VPS13B: variants seen among roughly 807,000 people sequenced by gnomAD.
The protein encoded by VPS13B is intermembrane lipid transfer protein VPS13B.
Under a neutral mutation model 426.4 loss-of-function variants are expected in VPS13B, and 285 were observed. The observed-to-expected ratio is 0.67, with a 90% CI of 0.61 to 0.74. The LOEUF is 0.74. Ranked by LOEUF, VPS13B falls within the 30% of genes least tolerant of loss-of-function variation. The pLI is 0.00. For missense variants in VPS13B, 4,537 were observed against 4,782.6 expected (o/e 0.95, Z 1.51); for synonymous variants, 1,676 against 1,676.4 (o/e 1.00, Z 0.01).
Position 99,642,109 on chromosome 8 carries a change from A to G in VPS13B, c.5519A>G (p.Lys1840Arg). 3 of 1,614,188 alleles carry G rather than the reference A, an allele frequency of 1.9e-6. No homozygotes were observed. The South Asian group carries it at 3.3e-5, about 18-fold the overall frequency. Residue 1840 changes from lysine (K) to arginine (R), a missense_variant, in exon 34 of 62, where the codon AAG becomes AGG. Physicochemically the swap from Lys to Arg is conservative, Grantham distance 26. This residue lies in a region of VPS13B where 4,311 missense variants were observed against 4,474.3 expected (regional missense o/e 0.96). Transcript: ENST00000357162. ...ALSKSKSQEQ[K>R]NNEKTDKSSL... is the part of the protein sequence containing the mutation. Reference sequence around the variant, plus strand: ...TCCAAATCGAAATCACAAGAACAGAAGAATAATGAAAAAACAGACAAGAGT... The same window carrying G: ...TCCAAATCGAAATCACAAGAACAGAGGAATAATGAAAAAACAGACAAGAGT...
At chr8:99,349,161 G>A (rs1037574899) in intron 19 of VPS13B, among the ~76,000 whole-genome samples, 1 of 148,784 alleles carries the variant, frequency 6.7e-6, no homozygotes, top group Non-Finnish European at 1.5e-5. Flanking sequence ...GTGAAACCCC[G>A]TCTCTACTAA....
intron 3 of VPS13B, among the ~76,000 whole-genome samples, chr8:99,064,694 A>G (rs1056760710): frequency 3.3e-5 from 5 of 152,230 alleles, no homozygotes; most frequent in South Asian, 2.1e-4. Context: ...GCAGGTTATT[A>G]TACAAGAGAA....
At position 99,859,700 on chromosome 8, in the gene VPS13B, C is replaced by T. The variant is rs566584914; in HGVS notation, c.11044+220C>T. ...CTGGTGTGTGAAAATGTTTCAGAAA[C>T]TTCAGAATTTTAAGCCTCCCATTGG... is the stretch of plus-strand genomic sequence containing the variant. On this transcript the variant is annotated intron_variant, in intron 57 of 61. Transcript: ENST00000357162. 4.6e-5 allele frequency among the ~76,000 whole-genome samples: 7 copies of T among 152,178 alleles called. No homozygotes were observed. In the South Asian group the frequency reaches 8.3e-4, roughly 18 times the overall value.
At chr8:99,772,639 A>G (rs1157902368) in intron 40 of VPS13B, among the ~76,000 whole-genome samples, 1 of 152,344 alleles carries the variant, frequency 6.6e-6, no homozygotes, top group Admixed American at 6.5e-5. Flanking sequence ...AAGTTAATAT[A>G]TTATCACAAT....
Position 99,467,630 on chromosome 8 carries a change from C to T in VPS13B, c.3662C>T (p.Pro1221Leu), listed in dbSNP as rs757707584. 1.2e-6 allele frequency: 2 copies of T among 1,607,926 alleles called. No homozygotes were observed. The highest frequency in any genetic ancestry group is 8.5e-7 in the Non-Finnish European group (1 of 1,179,222). Residue 1221 changes from proline to leucine, a missense_variant, in exon 24 of 62, where the codon CCC becomes CTC. By Grantham distance (98) the Pro-to-Leu change is moderately conservative. Around this residue, in one of 2 missense-constraint regions of VPS13B, gnomAD observed 4,311 missense variants for 4,474.3 expected, o/e 0.96. Transcript: ENST00000357162. ...TCACTAGAGATAAAATGCTCTAATCCCCAGGTTGGTACATTTGATTTATGA... is the reference window on the plus strand; with the variant it reads ...TCACTAGAGATAAAATGCTCTAATCTCCAGGTTGGTACATTTGATTTATGA... ...LESLEIKCSN[P>L]QVQLFYELTD...
Position 99,758,091 on chromosome 8 carries a change from A to G in VPS13B, c.7051-8683A>G, listed in dbSNP as rs533463200. 2.0e-5 allele frequency among the ~76,000 whole-genome samples: 3 copies of G among 152,346 alleles called. No individual in the cohort carries two copies. The South Asian group carries it at 6.2e-4, about 32-fold the overall frequency. The stretch of plus-strand genomic sequence containing the variant: ...ATTAATAACAAATCCTTAGTTATAG[A>G]TATTGTAACTAAAGATCATTCACGT... On this transcript the variant is annotated intron_variant, in intron 39 of 61. Coordinates refer to ENST00000357162, the MANE Select transcript of VPS13B (RefSeq NM_152564.5).
intron 21 of VPS13B, among the ~76,000 whole-genome samples, chr8:99,421,719 C>A (rs184529342): frequency 6.6e-6 from 1 of 152,154 alleles, no homozygotes; most frequent in East Asian, 1.9e-4. Flanking sequence ...ACTCCATCAC[C>A]CAGGCTGGAG....
chr8:99,109,532 G>T (rs905950456), intron 5 of VPS13B, among the ~76,000 whole-genome samples: 1 of 151,876 alleles, frequency 6.6e-6, no homozygotes, highest in African/African-American at 2.4e-5. Flanking sequence ...TTCTGCATTT[G>T]CCACCACACC....
At chr8:99,395,641 T>A (rs892968744) in intron 21 of VPS13B, among the ~76,000 whole-genome samples, 4 of 152,046 alleles carry the variant, frequency 2.6e-5, no homozygotes, top group African/African-American at 9.7e-5. Context: ...TAGCCCAACA[T>A]CATTAAAAGG....
chr8:99,079,791 C>A (rs1433043183), intron 3 of VPS13B, among the ~76,000 whole-genome samples: 1 of 151,840 alleles, frequency 6.6e-6, no homozygotes, highest in East Asian at 1.9e-4. Flanking sequence ...TTTTTACTTA[C>A]ATTTTTATCA....
At position 99,717,374 on chromosome 8, in the gene VPS13B, G is replaced by A. The variant is rs180177366; in HGVS notation, c.6657+1G>A. 8.9e-5 allele frequency: 143 copies of A among 1,613,286 alleles called. No homozygotes were observed. The highest frequency in any genetic ancestry group is 1.1e-4 in the Non-Finnish European group (131 of 1,179,576). On this transcript the variant is annotated splice_donor_variant, in intron 37 of 61. Transcript: ENST00000357162. LOFTEE classifies it high-confidence loss of function. ...TGACTTAAGAGGAGGTCTACTACAG[G>A]TCTGTGGGTATTGGCCATATTTTTT...
intron 34 of VPS13B, among the ~76,000 whole-genome samples, chr8:99,643,852 G>T (rs1489475626): frequency 1.3e-5 from 2 of 152,172 alleles, no homozygotes; most frequent in South Asian, 4.1e-4. Flanking sequence ...GATATAACAG[G>T]TACTTCAGGG....
At chr8:99,248,984 A>T in intron 17 of VPS13B, among the ~76,000 whole-genome samples, 1 of 152,280 alleles carries the variant, frequency 6.6e-6, no homozygotes, top group African/African-American at 2.4e-5. Flanking sequence ...TCTCAGTTTC[A>T]AAATCTTTAT....
At chr8:99,489,453 G>A (rs1820480631) in intron 25 of VPS13B, among the ~76,000 whole-genome samples, 1 of 151,968 alleles carries the variant, frequency 6.6e-6, no homozygotes, top group Non-Finnish European at 1.5e-5. Flanking sequence ...GTCATTGGTA[G>A]CTTGATGGGG....
chr8:99,774,237 A>G (rs1055349932), intron 40 of VPS13B, among the ~76,000 whole-genome samples: 3 of 152,228 alleles, frequency 2.0e-5, no homozygotes, highest in Non-Finnish European at 4.4e-5. Flanking sequence ...TAATTTTTGC[A>G]TATAAATTAA....
intron 19 of VPS13B, among the ~76,000 whole-genome samples, chr8:99,357,385 T>G (rs1199218494): frequency 1.3e-5 from 2 of 152,216 alleles, no homozygotes; most frequent in Non-Finnish European, 2.9e-5. Flanking sequence ...ACTAGTCATT[T>G]TACTTTTTCT....
intron 36 of VPS13B, among the ~76,000 whole-genome samples, chr8:99,708,456 A>G (rs909922384): frequency 4.6e-5 from 7 of 152,164 alleles, no homozygotes; most frequent in African/African-American, 1.7e-4. Flanking sequence ...TTTTATGGGA[A>G]AGAAACACTC....
At chr8:99,545,906 A>G (rs199961947) in intron 30 of VPS13B, among the ~76,000 whole-genome samples, 2 of 152,062 alleles carry the variant, frequency 1.3e-5, no homozygotes, top group Non-Finnish European at 2.9e-5. Flanking sequence ...ATGTTAGACT[A>G]TGTAGCCCTT....
At chr8:99,100,048 T>C (rs1846645203) in intron 4 of VPS13B, among the ~76,000 whole-genome samples, 1 of 152,150 alleles carries the variant, frequency 6.6e-6, no homozygotes, top group Non-Finnish European at 1.5e-5. Flanking sequence ...AGCTATTAGA[T>C]CTACTTGACA....
Sources: allele counts gnomAD v4.1 joint callset (sites outside exome capture counted in the v4.1 genomes callset), GRCh38; gene constraint gnomAD v4.1.1; regional missense constraint gnomAD v4.1.1; transcripts MANE v1.5; gene names NCBI Gene and HGNC (gene_info 2026-07-23, HGNC 2026-07-21).